The following DPYD variants were observed in gnomAD, a reference collection of about 807,000 sequenced individuals.
DPYD encodes dihydropyrimidine dehydrogenase.
In DPYD, 109 loss-of-function variants were observed where a neutral mutation model predicts 116.2. That is an observed-to-expected ratio of 0.94 (90% confidence interval 0.80 to 1.10). DPYD has a LOEUF of 1.10. DPYD is among the 50% of genes least tolerant of loss of function. DPYD has a pLI of 0.00. For synonymous variants in DPYD, 440 were observed against 432.0 expected, an observed-to-expected ratio of 1.02 and a Z score of -0.23; for missense variants, 1,302 against 1,254.5, an observed-to-expected ratio of 1.04 and a Z score of -0.57.
intron 3 of DPYD, among the ~76,000 whole-genome samples, chr1:97,752,793 A>G (rs1444686950): frequency 6.6e-6 from 1 of 152,184 alleles, no homozygotes; most frequent in Non-Finnish European, 1.5e-5. Flanking sequence ...CAAAGCAATT[A>G]TCACATTGGA....
intron 3 of DPYD, among the ~76,000 whole-genome samples, chr1:97,813,201 C>T (rs1668416869): frequency 6.6e-6 from 1 of 152,002 alleles, no homozygotes; most frequent in Admixed American, 6.5e-5. Context: ...TTTTCATTCA[C>T]AGGAAGAAAA....
chr1:97,815,797 T>C (rs1668575024), intron 3 of DPYD, among the ~76,000 whole-genome samples: 1 of 152,156 alleles, frequency 6.6e-6, no homozygotes, highest in Admixed American at 6.5e-5. Flanking sequence ...TAAATAACCA[T>C]GTAAAAGCAA....
At chr1:97,631,766 CG>C (rs1326557845) in intron 8 of DPYD, among the ~76,000 whole-genome samples, 2 of 151,760 alleles carry the variant, frequency 1.3e-5, no homozygotes, top group African/African-American at 4.8e-5. Flanking sequence ...TTTAAAGTTA[CG>C]GGAGTGGGTA....
rs374466952 is a variant in DPYD at position 97,661,990 on chromosome 1, C to CTT, written c.850+17103_850+17104dup. ...GAAATATTTAGTATTTCCAAGTCAA[C>CTT]TTTTTTTTTTTTTTTTTTTTTTTTT... On this transcript the variant is annotated intron_variant, in intron 8 of 22. Coordinates refer to ENST00000370192, the MANE Select transcript of DPYD (RefSeq NM_000110.4). Among the ~76,000 whole-genome samples, 149 of 116,606 alleles carry CTT rather than the reference C, an allele frequency of 1.3e-3. 1 individual carries two copies. The highest frequency in any genetic ancestry group is 1.8e-3 in the African/African-American group (57 of 31,668). The allele number at this position is 116,606 out of a possible 152,430, so 76.5% of individuals were successfully genotyped here.
intron 8 of DPYD, among the ~76,000 whole-genome samples, chr1:97,660,754 C>T (rs1274470124): frequency 1.3e-5 from 2 of 152,110 alleles, no homozygotes; most frequent in African/African-American, 4.8e-5. Flanking sequence ...CATGTTCCAC[C>T]TTAGAACTTT....
chr1:97,143,169 A>T (rs1245045068), intron 20 of DPYD, among the ~76,000 whole-genome samples: 1 of 152,030 alleles, frequency 6.6e-6, no homozygotes, highest in East Asian at 1.9e-4. Flanking sequence ...AAGGGCCATA[A>T]TATACTATTT....
At chr1:97,576,591 G>A (rs1653278873) in intron 10 of DPYD, among the ~76,000 whole-genome samples, 1 of 152,146 alleles carries the variant, frequency 6.6e-6, no homozygotes, top group South Asian at 2.1e-4. Context: ...ATCACTGAAT[G>A]CCTAAGCATG....
chr1:97,540,437 G>C (rs1307598260), intron 12 of DPYD, among the ~76,000 whole-genome samples: 1 of 152,030 alleles, frequency 6.6e-6, no homozygotes, highest in Non-Finnish European at 1.5e-5. Context: ...TATTTTAAAG[G>C]ATACAAACAC....
chr1:97,289,420 T>C (rs1308914068), intron 18 of DPYD, among the ~76,000 whole-genome samples: 1 of 152,106 alleles, frequency 6.6e-6, no homozygotes, highest in Non-Finnish European at 1.5e-5. Context: ...TTGATGAACA[T>C]TGATGCAAAA....
chr1:97,510,283 C>T (rs568161302), intron 13 of DPYD, among the ~76,000 whole-genome samples: 4 of 151,840 alleles, frequency 2.6e-5, no homozygotes, highest in South Asian at 2.1e-4. Context: ...AAAATATGTG[C>T]CAAACTGAAT....
At chr1:97,576,702 T>C (rs1199929321) in intron 10 of DPYD, among the ~76,000 whole-genome samples, 1 of 152,366 alleles carries the variant, frequency 6.6e-6, no homozygotes. Flanking sequence ...CTTTAGCATA[T>C]GCTCATCTAT....
intron 8 of DPYD, among the ~76,000 whole-genome samples, chr1:97,638,063 T>C (rs1657672692): frequency 6.6e-6 from 1 of 152,186 alleles, no homozygotes; most frequent in Admixed American, 6.5e-5. Context: ...TCATAAAACT[T>C]GCTCTCTTCC....
chr1:97,268,046 A>C (rs770303684), intron 18 of DPYD, among the ~76,000 whole-genome samples: 5 of 152,222 alleles, frequency 3.3e-5, no homozygotes, highest in South Asian at 2.1e-4. Flanking sequence ...CCGTTCCAAA[A>C]GAAAGAAATA....
intron 14 of DPYD, 62 bp downstream of exon 14, chr1:97,449,997 T>C: frequency 6.3e-7 from 1 of 1,599,146 alleles, no homozygotes; most frequent in East Asian, 2.2e-5. Flanking sequence ...GAATTGGATG[T>C]TTAAATAAAC....
At chr1:97,284,023 A>G (rs1161151488) in intron 18 of DPYD, among the ~76,000 whole-genome samples, 1 of 152,184 alleles carries the variant, frequency 6.6e-6, no homozygotes, top group Admixed American at 6.5e-5. Context: ...TACCTTAAGC[A>G]TCACCATTAT....
intron 12 of DPYD, among the ~76,000 whole-genome samples, chr1:97,529,042 A>G (rs1010253408): frequency 1.3e-5 from 2 of 152,158 alleles, no homozygotes; most frequent in Non-Finnish European, 2.9e-5. Flanking sequence ...TCATAGTCAC[A>G]TGTGCCTTCT....
chr1:97,161,446 A>G (rs945351112), intron 20 of DPYD, among the ~76,000 whole-genome samples: 2 of 152,168 alleles, frequency 1.3e-5, no homozygotes, highest in Admixed American at 1.3e-4. Flanking sequence ...AAGCATCAGC[A>G]ATCATAACGG....
chr1:97,172,726 G>A (rs1035751595), intron 20 of DPYD, among the ~76,000 whole-genome samples: 7 of 152,128 alleles, frequency 4.6e-5, no homozygotes, highest in African/African-American at 1.7e-4. Flanking sequence ...CACAAACTAA[G>A]AATGAAGCCT....
chr1:97,260,379 T>C (rs1034100941), intron 18 of DPYD, among the ~76,000 whole-genome samples: 3 of 152,086 alleles, frequency 2.0e-5, no homozygotes, highest in African/African-American at 7.2e-5. Flanking sequence ...TAGTATTCTG[T>C]ACTATCATAT....
Sources: allele counts gnomAD v4.1 joint callset (sites outside exome capture counted in the v4.1 genomes callset), GRCh38; gene constraint gnomAD v4.1.1; transcripts MANE v1.5; gene names NCBI Gene and HGNC (gene_info 2026-07-23, HGNC 2026-07-21).